Variants in CFAP43 observed in about 807,000 individuals in gnomAD.
CFAP43 encodes the protein cilia and flagella associated protein 43.
A neutral mutation model predicts 218.9 loss-of-function variants in CFAP43; 155 were observed. That is an observed-to-expected ratio of 0.71 (90% confidence interval 0.62 to 0.81). The LOEUF is 0.81. Ranked by LOEUF, CFAP43 falls within the 30% of genes least tolerant of loss-of-function variation. The pLI is 0.00. For synonymous variants in CFAP43, 645 were observed against 681.3 expected (o/e 0.95, Z 0.83); for missense variants, 1,778 against 1,954.3 (o/e 0.91, Z 1.70).
chr10:104,131,186 G>A, intron 37 of CFAP43, 145 bp downstream of exon 37: 1 of 1,029,982 alleles, frequency 9.7e-7, no homozygotes. Flanking sequence ...TGTACTCCCT[G>A]AATCTAAAAT....
chr10:104,157,384 C>CA (rs1303085868), intron 27 of CFAP43, among the ~76,000 whole-genome samples: 1 of 152,016 alleles, frequency 6.6e-6, no homozygotes, highest in Non-Finnish European at 1.5e-5. Flanking sequence ...TATAAAACAA[C>CA]AAAAAAGGTA....
In CFAP43 at chr10:104,149,595, G is replaced by A. The variant is rs186059753; in HGVS notation, c.3661-1597C>T. ...ATTCATAAATTTAAACAAATGTGAC[G>A]GGTTTAATTTTTTACAACTATTATC... On this transcript the variant is annotated intron_variant, in intron 28 of 37. Coordinates refer to ENST00000357060, the MANE Select transcript of CFAP43 (RefSeq NM_025145.7). Among the ~76,000 whole-genome samples the A allele has an allele frequency of 1.3e-3, 199 of 152,130 alleles. 1 individual carries two copies. The highest frequency in any genetic ancestry group is 4.6e-3 in the African/African-American group (189 of 41,504).
At chr10:104,135,507 A>G (rs1457025110) in intron 34 of CFAP43, among the ~76,000 whole-genome samples, 1 of 152,216 alleles carries the variant, frequency 6.6e-6, no homozygotes, top group East Asian at 1.9e-4. Flanking sequence ...AAACCCTACT[A>G]GAGATAATAC....
rs927935647 is a variant in CFAP43, at chr10:104,164,145, T to C, written c.3195A>G (p.Glu1065=). ...LELEEAVWQP[E]FEDCEKPERT... is the part of the protein sequence containing the mutation. ...TCTCTGGCTTCTCACAGTCTTCAAATTCTGGTTGCCAGACTGCTTCTTCCA... is the reference window on the plus strand; with the variant it reads ...TCTCTGGCTTCTCACAGTCTTCAAACTCTGGTTGCCAGACTGCTTCTTCCA... Residue 1065 remains glutamate (E), a synonymous_variant, in exon 24 of 38, where the codon GAA becomes GAG. Transcript: ENST00000357060. 2.8e-5 allele frequency: 45 copies of C among 1,614,094 alleles called. No homozygotes were observed. Among genetic ancestry groups the C allele is most frequent in the Non-Finnish European group, 3.5e-5 (41 of 1,180,032 alleles).
chr10:104,181,050 T>G (rs528816105), intron 17 of CFAP43, among the ~76,000 whole-genome samples: 10 of 152,250 alleles, frequency 6.6e-5, no homozygotes, highest in South Asian at 2.1e-4. Context: ...GGTTCATCTA[T>G]CCAATGGCTG....
At position 104,191,162 on chromosome 10, in the gene CFAP43, G is replaced by A. The variant is rs59531278; in HGVS notation, c.1546+1037C>T. Among the ~76,000 whole-genome samples the A allele has an allele frequency of 3.6e-3, 552 of 152,226 alleles. 4 individuals carry two copies. The highest frequency in any genetic ancestry group is 0.012 in the African/African-American group (518 of 41,548). ...CTCCATCCTTCACACTGGTATCAGA[G>A]TCAGTCTCTAAAAACGAAGTCAAAT... On this transcript the variant is annotated intron_variant, in intron 12 of 37. Transcript: ENST00000357060.
intron 12 of CFAP43, among the ~76,000 whole-genome samples, chr10:104,191,787 T>TG (rs1258613789): frequency 0.045 from 3,557 of 78,876 alleles, 84 homozygotes; most frequent in Admixed American, 0.081. Context: ...AAATTGTGTG[T>TG]GTGGGGGGGG....
intron 3 of CFAP43, among the ~76,000 whole-genome samples, chr10:104,223,124 G>A (rs368281944): frequency 1.5e-4 from 23 of 152,288 alleles, no homozygotes; most frequent in African/African-American, 4.1e-4. Flanking sequence ...ATGGGCCATC[G>A]TTTACCAACC....
rs376152614 is a variant in CFAP43, at chr10:104,231,328, G to T, written c.66-485C>A. ...AGTAGGAAAATTGCTTATTTACACA[G>T]ATGAAGAGTATGTGGCCATATTTTA... On this transcript the variant is annotated intron_variant, in intron 1 of 37. Transcript: ENST00000357060. 8.5e-5 allele frequency among the ~76,000 whole-genome samples: 13 copies of T among 152,310 alleles called. No homozygotes were observed. In the East Asian group the frequency reaches 9.6e-4, roughly 11 times the overall value.
intron 37 of CFAP43, 110 bp downstream of exon 37, chr10:104,131,221 T>C: frequency 7.7e-7 from 1 of 1,295,424 alleles, no homozygotes; most frequent in Non-Finnish European, 1.1e-6. Context: ...TTTTAAACAA[T>C]GTATTTTTAA....
intron 12 of CFAP43, among the ~76,000 whole-genome samples, chr10:104,190,713 C>G (rs572888374): frequency 6.6e-6 from 1 of 152,192 alleles, no homozygotes; most frequent in East Asian, 1.9e-4. Flanking sequence ...CATCACTTAT[C>G]CCTTCCTTTC....
intron 28 of CFAP43, among the ~76,000 whole-genome samples, chr10:104,151,726 C>T (rs1246878018): frequency 6.6e-6 from 1 of 152,090 alleles, no homozygotes; most frequent in Non-Finnish European, 1.5e-5. Context: ...TGTGCAGAAA[C>T]TCTTTAGTTT....
intron 27 of CFAP43, among the ~76,000 whole-genome samples, chr10:104,159,112 G>T (rs2088733751): frequency 6.6e-6 from 1 of 151,998 alleles, no homozygotes; most frequent in South Asian, 2.1e-4. Context: ...GGATAAAGGG[G>T]TCATTATACT....
chr10:104,166,611 G>T lies in CFAP43; in HGVS notation c.2916C>A (p.Ser972Arg). Reference sequence around the variant, plus strand: ...TACCAAGCAGGTAATTGGGCAAATTGCTATATTTTACTGTCTTGTCTTCCT... The same window carrying T: ...TACCAAGCAGGTAATTGGGCAAATTTCTATATTTTACTGTCTTGTCTTCCT... ...EEEEDKTVKYSNLPNYLLGSL... is the reference protein window; with the variant it reads ...EEEEDKTVKYRNLPNYLLGSL... The change falls in exon 23 of 38, where the codon AGC becomes AGA. Residue 972 changes from serine (S) to arginine (R), a missense_variant. Coordinates refer to ENST00000357060, the MANE Select transcript of CFAP43 (RefSeq NM_025145.7). The T allele has an allele frequency of 6.2e-7, 1 of 1,614,092 alleles. No homozygotes were observed. Among genetic ancestry groups the T allele is most frequent in the Non-Finnish European group, 8.5e-7 (1 of 1,179,986 alleles).
rs542004938 is a variant in CFAP43 at position 104,201,618 on chromosome 10, C to G, written c.1095+2054G>C. On this transcript the variant is annotated intron_variant, in intron 8 of 37. Transcript: ENST00000357060. The stretch of plus-strand genomic sequence containing the variant: ...ATTCTATATACCCTGCTCTGCCCCC[C>G]CCAACTTATATTATTGTTATTTGGG... 1.2e-3 allele frequency among the ~76,000 whole-genome samples: 177 copies of G among 152,200 alleles called. 4 individuals are homozygous for G. In the South Asian group the frequency reaches 0.034, roughly 29 times the overall value.
intron 19 of CFAP43, among the ~76,000 whole-genome samples, chr10:104,175,082 AAC>A (rs1360942138): frequency 2.7e-5 from 4 of 150,536 alleles, no homozygotes; most frequent in African/African-American, 9.8e-5. Flanking sequence ...CAAACAAACA[AAC>A]AAACAAAAAA....
chr10:104,154,995 G>A (rs970356327), intron 27 of CFAP43, among the ~76,000 whole-genome samples: 1 of 152,136 alleles, frequency 6.6e-6, no homozygotes, highest in African/African-American at 2.4e-5. Flanking sequence ...CACCTGTAAG[G>A]GGGTGAGGGA....
intron 11 of CFAP43, chr10:104,192,628 C>G (rs2090263989): frequency 3.8e-6 from 1 of 266,618 alleles, no homozygotes; most frequent in African/African-American, 2.3e-5. Context: ...AAGCAATTCT[C>G]AAATTAGTGG....
rs553299698 is a variant in CFAP43, at chr10:104,199,970, G to A, written c.1096-1932C>T. On this transcript the variant is annotated intron_variant, in intron 8 of 37. Transcript: ENST00000357060. ...TTGGGGGGTCTGAAGAAAATCCCCAGACCTCCACAAACAAGCTTTATTGGG... is the reference window on the plus strand; with the variant it reads ...TTGGGGGGTCTGAAGAAAATCCCCAAACCTCCACAAACAAGCTTTATTGGG... 5.5e-5 allele frequency among the ~76,000 whole-genome samples: 8 copies of A among 146,118 alleles called. No individual in the cohort carries two copies. In the East Asian group the frequency reaches 1.6e-3, roughly 29 times the overall value.
Sources: allele counts gnomAD v4.1 joint callset (sites outside exome capture counted in the v4.1 genomes callset), GRCh38; gene constraint gnomAD v4.1.1; transcripts MANE v1.5; gene names NCBI Gene and HGNC (gene_info 2026-07-23, HGNC 2026-07-21).